The following SUPT4H1 variants were observed in gnomAD, a reference collection of about 807,000 sequenced individuals.
SUPT4H1 encodes SPT4 homolog, DSIF elongation factor subunit.
A neutral mutation model predicts 19.4 loss-of-function variants in SUPT4H1; 12 were observed. The observed-to-expected ratio is 0.62, with a 90% CI of 0.40 to 1.00. The LOEUF is 1.00. Ranked by LOEUF, SUPT4H1 falls within the 50% of genes least tolerant of loss-of-function variation. The pLI is 0.00. For missense variants in SUPT4H1, 115 were observed against 149.2 expected (o/e 0.77, Z 1.19); for synonymous variants, 58 against 56.3 (o/e 1.03, Z -0.14).
intron 2 of SUPT4H1, 26 bp from the exon 3 acceptor site, chr17:58,347,610 T>A: frequency 1.9e-6 from 3 of 1,612,644 alleles, no homozygotes; most frequent in African/African-American, 2.7e-5. Context: ...AAATGGAGAG[T>A]CAGCCTGAGC....
intron 2 of SUPT4H1, 110 bp downstream of exon 2, chr17:58,351,292 C>T (rs1972508709): frequency 5.7e-6 from 4 of 696,958 alleles, no homozygotes; most frequent in Non-Finnish European, 9.6e-6. Flanking sequence ...AAAATAACCC[C>T]CAAAAACGAA....
chr17:58,347,440 C>T lies in SUPT4H1; in HGVS notation c.232+89G>A. On this transcript the variant is annotated intron_variant, in intron 3 of 4. Transcript: ENST00000225504. ...CCCGATCTTTCCCACCCTGAGGTCACTCATCTTGCTGATTTGAGACTCCCT... is the reference window on the plus strand; with the variant it reads ...CCCGATCTTTCCCACCCTGAGGTCATTCATCTTGCTGATTTGAGACTCCCT... The T allele has an allele frequency of 2.6e-6, 4 of 1,511,912 alleles. No individual in the cohort carries two copies. The South Asian group carries it at 3.4e-5, about 13-fold the overall frequency. The allele number at this position is 1,511,912 out of a possible 1,614,324, so 93.7% of individuals were successfully genotyped here.
chr17:58,347,349 T>C (rs757485), intron 3 of SUPT4H1, 108 bp from the exon 4 acceptor site: 602,765 of 1,370,426 alleles, frequency 0.44, 135,261 homozygotes, highest in East Asian at 0.55. Context: ...GAAGAGCTAT[T>C]CCCTCTTTTG....
chr17:58,351,530 A>T (rs1972520797), intron 1 of SUPT4H1, 22 bp from the exon 2 acceptor site: 1 of 1,524,572 alleles, frequency 6.6e-7, no homozygotes, highest in Non-Finnish European at 9.1e-7. Context: ...AGAAAAATAA[A>T]GGAAAAGGAG....
intron 1 of SUPT4H1, 33 bp downstream of exon 1, chr17:58,352,034 C>CA (rs764546099): frequency 2.2e-5 from 35 of 1,612,648 alleles, no homozygotes; most frequent in Admixed American, 1.0e-4. Flanking sequence ...CTTGGTCCCC[C>CA]ATGGGCCCTA....
chr17:58,346,408 C>G, intron 4 of SUPT4H1, 95 bp from the exon 5 acceptor site: 1 of 987,636 alleles, frequency 1.0e-6, no homozygotes, highest in Non-Finnish European at 1.6e-6. Context: ...TATAAGCAAA[C>G]TGGAGTTCCT....
chr17:58,351,872 C>T, intron 1 of SUPT4H1, 195 bp downstream of exon 1: 1 of 612,022 alleles, frequency 1.6e-6, no homozygotes, highest in Non-Finnish European at 2.9e-6. Flanking sequence ...CATGTAAGAC[C>T]GCCCCTGCCC....
intron 3 of SUPT4H1, 50 bp downstream of exon 3, chr17:58,347,479 A>G (rs1333100380): frequency 6.2e-7 from 1 of 1,604,810 alleles, no homozygotes; most frequent in African/African-American, 1.3e-5. Flanking sequence ...GGACCTGAGG[A>G]ACAGTAACAA....
rs747034385 is a variant in SUPT4H1, at chr17:58,352,053, T to C, written c.69+14A>G. On this transcript the variant is annotated intron_variant, in intron 1 of 4. Transcript: ENST00000225504. ...GTCCCCCATGGGCCCTACAACCAGG[T>C]CCCCGACTGACACCTTGACCAGCGA... 6 of 1,613,822 alleles carry C rather than the reference T, an allele frequency of 3.7e-6. No individual in the cohort carries two copies. Among genetic ancestry groups the C allele is most frequent in the Non-Finnish European group, 5.1e-6 (6 of 1,179,890 alleles).
At chr17:58,347,679 T>C (rs984610056) in intron 2 of SUPT4H1, 95 bp from the exon 3 acceptor site, 6 of 1,277,634 alleles carry the variant, frequency 4.7e-6, no homozygotes, top group Admixed American at 1.8e-5. Context: ...AAGTACCGAG[T>C]CTCCACTGGA....
intron 2 of SUPT4H1, among the ~76,000 whole-genome samples, chr17:58,350,558 G>C (rs144159214): frequency 6.9e-6 from 1 of 144,540 alleles, no homozygotes; most frequent in Non-Finnish European, 1.5e-5. Context: ...AAAATGGGCC[G>C]GGCATGGTGA....
At position 58,351,507 on chromosome 17, in the gene SUPT4H1, G is replaced by A. The variant is rs1172965909; in HGVS notation, c.71C>T (p.Thr24Ile). Residue 24 changes from threonine to isoleucine, a missense_variant and splice_region_variant, in exon 2 of 5, where the codon ACT becomes ATT. Thr to Ile is a moderately conservative substitution (Grantham distance 89, BLOSUM62 -1). Coordinates refer to ENST00000225504, the MANE Select transcript of SUPT4H1 (RefSeq NM_003168.3). ...ACCATCATATTCAAACTGGTCTATAGTCTGGGAGTGAAAGAAAAATAAAGG... is the reference window on the plus strand; with the variant it reads ...ACCATCATATTCAAACTGGTCTATAATCTGGGAGTGAAAGAAAAATAAAGG... ...RACLLCSLVK[T>I]IDQFEYDGCD... 2 of 1,601,182 alleles carry A rather than the reference G, an allele frequency of 1.2e-6. No individual in the cohort carries two copies. Among genetic ancestry groups the A allele is most frequent in the South Asian group, 2.2e-5 (2 of 89,976 alleles).
chr17:58,347,502 G>A (rs1201862376), intron 3 of SUPT4H1, 27 bp downstream of exon 3: 2 of 1,613,674 alleles, frequency 1.2e-6, no homozygotes, highest in Non-Finnish European at 1.7e-6. Flanking sequence ...CTACAACTAA[G>A]CCAAAAGGAG....
chr17:58,346,054 C>T lies in SUPT4H1; in HGVS notation c.*192G>A, dbSNP rs1462231729. The T allele has an allele frequency of 3.4e-5, 19 of 556,212 alleles. No homozygotes were observed. The highest frequency in any genetic ancestry group is 5.2e-5 in the Non-Finnish European group (16 of 309,498). 34.5% of individuals were successfully genotyped at this position (556,212 alleles called of 1,614,324 possible). On this transcript the variant is annotated 3_prime_UTR_variant, in exon 5 of 5. Transcript: ENST00000225504. ...TCAATTCCATCTGTTAATCCACCAA[C>T]CCAAATCCCTCCCACCCCACCTGTA...
chr17:58,346,757 T>TCATTACTA (rs1972305999), intron 4 of SUPT4H1, among the ~76,000 whole-genome samples: 1 of 142,376 alleles, frequency 7.0e-6, no homozygotes, highest in East Asian at 2.2e-4. Flanking sequence ...CTTAGTTGAC[T>TCATTACTA]CATTACTAGT....
chr17:58,349,406 G>A (rs888961078), intron 2 of SUPT4H1, among the ~76,000 whole-genome samples: 7 of 152,230 alleles, frequency 4.6e-5, no homozygotes, highest in Non-Finnish European at 1.0e-4. Flanking sequence ...TAACATAAGC[G>A]TTCTGAGCAC....
At chr17:58,350,558 G>A (rs144159214) in intron 2 of SUPT4H1, among the ~76,000 whole-genome samples, 178 of 144,650 alleles carry the variant, frequency 1.2e-3, no homozygotes, top group African/African-American at 4.1e-3. Flanking sequence ...AAAATGGGCC[G>A]GGCATGGTGA....
At chr17:58,347,055 C>T in intron 4 of SUPT4H1, 133 bp downstream of exon 4, 2 of 852,704 alleles carry the variant, frequency 2.3e-6, no homozygotes, top group Non-Finnish European at 3.8e-6. Context: ...GTGATTTAAC[C>T]TCTCTGTGCC....
intron 1 of SUPT4H1, 35 bp from the exon 2 acceptor site, chr17:58,351,543 A>T: frequency 6.9e-7 from 1 of 1,443,032 alleles, no homozygotes; most frequent in Non-Finnish European, 9.7e-7. Context: ...AAAAGGAGAG[A>T]TAAGCATGAA....
Sources: allele counts gnomAD v4.1 joint callset (sites outside exome capture counted in the v4.1 genomes callset), GRCh38; gene constraint gnomAD v4.1.1; transcripts MANE v1.5; gene names NCBI Gene and HGNC (gene_info 2026-07-23, HGNC 2026-07-21).